The following INSR variants were observed in gnomAD, a reference collection of about 807,000 sequenced individuals.
INSR encodes insulin receptor.
In INSR, 67 loss-of-function variants were observed where a neutral mutation model predicts 142.6. The ratio of observed to expected loss-of-function variants is 0.47; its 90% confidence interval spans 0.39 to 0.58. The LOEUF (loss-of-function observed/expected upper bound fraction) is 0.58, where lower values mean the gene tolerates loss of function less well. Ranked by LOEUF, INSR falls within the 20% of genes least tolerant of loss-of-function variation. The pLI, the probability that INSR is intolerant of heterozygous loss-of-function variation, is 0.00. For synonymous variants in INSR, 756 were observed against 743.1 expected (o/e 1.02, Z -0.28); for missense variants, 1,248 against 1,833.2 (o/e 0.68, Z 5.83).
intron 2 of INSR, among the ~76,000 whole-genome samples, chr19:7,238,846 G>C (rs1248374122): frequency 6.7e-6 from 1 of 149,946 alleles, no homozygotes; most frequent in South Asian, 2.1e-4. Flanking sequence ...TCCACTATGT[G>C]TCCCCAAAAC....
At chr19:7,265,235 T>C (rs989326470) in intron 2 of INSR, among the ~76,000 whole-genome samples, 1 of 152,150 alleles carries the variant, frequency 6.6e-6, no homozygotes, top group Non-Finnish European at 1.5e-5. Flanking sequence ...GTCACTACCA[T>C]GATCAGAACA....
chr19:7,228,464 C>A (rs1050924945), intron 2 of INSR, among the ~76,000 whole-genome samples: 2 of 152,164 alleles, frequency 1.3e-5, no homozygotes, highest in Non-Finnish European at 2.9e-5. Context: ...TTATCCTCTG[C>A]AGTAAAACAA....
chr19:7,236,429 A>T (rs1480252117), intron 2 of INSR, among the ~76,000 whole-genome samples: 1 of 152,210 alleles, frequency 6.6e-6, no homozygotes, highest in Non-Finnish European at 1.5e-5. Flanking sequence ...AACAACCCAA[A>T]TGTCTCTCAA....
chr19:7,210,528 G>A (rs751837469), intron 2 of INSR, among the ~76,000 whole-genome samples: 2 of 151,946 alleles, frequency 1.3e-5, no homozygotes, highest in South Asian at 2.1e-4. Flanking sequence ...CTCGCTGTGC[G>A]ACTCCTGGAG....
chr19:7,196,478 G>A (rs544145160), intron 2 of INSR, among the ~76,000 whole-genome samples: 1 of 152,264 alleles, frequency 6.6e-6, no homozygotes, highest in South Asian at 2.1e-4. Flanking sequence ...TTTGTCCAAA[G>A]CAAGGTTAAA....
At chr19:7,193,564 A>G (rs1974658396) in intron 2 of INSR, among the ~76,000 whole-genome samples, 2 of 151,950 alleles carry the variant, frequency 1.3e-5, no homozygotes. Context: ...CACATGGGAC[A>G]TATGTCCCTC....
intron 3 of INSR, among the ~76,000 whole-genome samples, chr19:7,179,923 A>T (rs8100807): frequency 0.18 from 27,045 of 152,008 alleles, 2,873 homozygotes; most frequent in South Asian, 0.22. Flanking sequence ...TGGCCAATGG[A>T]ATATTTGCAA....
intron 2 of INSR, among the ~76,000 whole-genome samples, chr19:7,212,125 C>G (rs1488040528): frequency 6.9e-6 from 1 of 145,112 alleles, no homozygotes; most frequent in Admixed American, 6.7e-5. Flanking sequence ...TCAGGAGCAT[C>G]TCCCCCCACC....
chr19:7,224,573 A>G (rs2145108743), intron 2 of INSR, among the ~76,000 whole-genome samples: 1 of 152,350 alleles, frequency 6.6e-6, no homozygotes, highest in South Asian at 2.1e-4. Context: ...TGACCAAGCC[A>G]CATCTCGACC....
intron 14 of INSR, among the ~76,000 whole-genome samples, 180 bp downstream of exon 14, chr19:7,131,978 T>C (rs1599881516): frequency 7.0e-6 from 1 of 142,690 alleles, no homozygotes; most frequent in East Asian, 2.1e-4. Flanking sequence ...AAAGCAAGCC[T>C]CCATCTCAAA....
At chr19:7,229,331 T>TGG (rs879564596) in intron 2 of INSR, among the ~76,000 whole-genome samples, 21,102 of 73,622 alleles carry the variant, frequency 0.29, 1,732 homozygotes, top group African/African-American at 0.46. Flanking sequence ...GATGGATGGA[T>TGG]AGATGGATGG....
At chr19:7,206,862 T>G (rs1975118567) in intron 2 of INSR, among the ~76,000 whole-genome samples, 1 of 152,140 alleles carries the variant, frequency 6.6e-6, no homozygotes, top group Admixed American at 6.6e-5. Flanking sequence ...TCAACCACAC[T>G]TCCTGATGAC....
At chr19:7,202,993 G>GTT (rs1568484309) in intron 2 of INSR, among the ~76,000 whole-genome samples, 1 of 138,392 alleles carries the variant, frequency 7.2e-6, no homozygotes, top group Non-Finnish European at 1.6e-5. Context: ...GTGGGGTTTT[G>GTT]TTGTTTTTTT....
chr19:7,118,525 C>G (rs1397378217), intron 21 of INSR, among the ~76,000 whole-genome samples: 1 of 151,856 alleles, frequency 6.6e-6, no homozygotes, highest in Admixed American at 6.6e-5. Flanking sequence ...ACCATGTTGG[C>G]CAGGCTGGTC....
At chr19:7,160,990 C>T (rs979895554) in intron 9 of INSR, among the ~76,000 whole-genome samples, 2 of 124,238 alleles carry the variant, frequency 1.6e-5, no homozygotes, top group Admixed American at 8.3e-5. Context: ...AGTGAGACTC[C>T]GTGTCAAAAA....
intron 3 of INSR, among the ~76,000 whole-genome samples, chr19:7,178,905 T>C (rs1284574575): frequency 6.6e-6 from 1 of 152,112 alleles, no homozygotes; most frequent in Non-Finnish European, 1.5e-5. Flanking sequence ...AAAACTGTAA[T>C]TGTATAGCAG....
At position 7,184,600 on chromosome 19, in the gene INSR, G is replaced by A. The variant is rs373720760; in HGVS notation, c.690C>T (p.Ala230=). ...PTICKSHGCT[A]EGLCCHSECL... is the part of the protein sequence containing the mutation. ...ACTCGCTGTGGCAACAGAGGCCTTCGGCGGTGCAGCCGTGTGACTTACAGA... is the reference window on the plus strand; with the variant it reads ...ACTCGCTGTGGCAACAGAGGCCTTCAGCGGTGCAGCCGTGTGACTTACAGA... Residue 230 remains alanine (A), a synonymous_variant, in exon 3 of 22, where the codon GCC becomes GCT. Transcript: ENST00000302850. 235 of 1,613,026 alleles carry A rather than the reference G, an allele frequency of 1.5e-4. No individual in the cohort carries two copies. Among genetic ancestry groups the A allele is most frequent in the Middle Eastern group, 3.3e-4 (2 of 5,974 alleles).
At chr19:7,256,122 T>C (rs575576469) in intron 2 of INSR, among the ~76,000 whole-genome samples, 1 of 152,220 alleles carries the variant, frequency 6.6e-6, no homozygotes, top group African/African-American at 2.4e-5. Context: ...AAAATTTATT[T>C]TATTTTAAAA....
chr19:7,133,377 C>G (rs76351708), intron 13 of INSR, among the ~76,000 whole-genome samples: 17 of 152,286 alleles, frequency 1.1e-4, no homozygotes, highest in African/African-American at 3.6e-4. Context: ...AAATCCTCAT[C>G]ACTTCATGTA....
Sources: gnomAD v4.1 joint callset for allele counts (sites outside exome capture counted in the v4.1 genomes callset) on GRCh38, gnomAD v4.1.1 for gene constraint, MANE v1.5 for transcripts, NCBI Gene and HGNC (gene_info 2026-07-23, HGNC 2026-07-21) for gene names.